The following DRGX variants were observed in gnomAD, a reference collection of about 807,000 sequenced individuals.
DRGX encodes the protein dorsal root ganglia homeobox.
DRGX carries 21 observed loss-of-function variants against 28.6 expected under a neutral mutation model. The ratio of observed to expected loss-of-function variants is 0.73; its 90% CI spans 0.52 to 1.06. The LOEUF (loss-of-function observed/expected upper bound fraction) is 1.06. DRGX is among the 50% of genes least tolerant of loss of function. The pLI is 0.00. For synonymous variants in DRGX, 136 were observed against 139.1 expected (o/e 0.98, Z 0.16); for missense variants, 354 against 343.9 (o/e 1.03, Z -0.23).
intron 6 of DRGX, among the ~76,000 whole-genome samples, chr10:49,378,578 T>A (rs1407832349): frequency 1.3e-5 from 2 of 152,244 alleles, no homozygotes; most frequent in African/African-American, 4.8e-5. Flanking sequence ...TATATCTCAA[T>A]AAAGCTTTAA....
At chr10:49,380,990 A>C (rs2132478089) in intron 6 of DRGX, among the ~76,000 whole-genome samples, 1 of 152,342 alleles carries the variant, frequency 6.6e-6, no homozygotes, top group Non-Finnish European at 1.5e-5. Context: ...ATTATGATCA[A>C]GATCCCCATT....
intron 6 of DRGX, among the ~76,000 whole-genome samples, chr10:49,382,759 G>C (rs946126578): frequency 9.2e-5 from 14 of 152,044 alleles, no homozygotes; most frequent in African/African-American, 3.4e-4. Context: ...TCTCCTCCTC[G>C]CCCCTGGAAT....
In DRGX at chr10:49,371,021, T is replaced by TG. The variant is rs200123609; in HGVS notation, c.527-4641dup. Reference sequence around the variant, plus strand: ...GTCATCACCCTAAAGAGAAAAGCAGTGGGGGGATAGGAACTACAGTGATCT... The same window carrying TG: ...GTCATCACCCTAAAGAGAAAAGCAGTGGGGGGGATAGGAACTACAGTGATCT... On this transcript the variant is annotated intron_variant, in intron 6 of 6. Coordinates refer to ENST00000374139, the MANE Select transcript of DRGX (RefSeq NM_001276451.2). Among the ~76,000 whole-genome samples the TG allele has an allele frequency of 6.4e-3, 970 of 152,210 alleles. 11 individuals are homozygous for TG. The highest frequency in any genetic ancestry group is 0.022 in the African/African-American group (916 of 41,526).
intron 6 of DRGX, among the ~76,000 whole-genome samples, chr10:49,385,272 C>T (rs752120185): frequency 4.6e-5 from 7 of 152,242 alleles, no homozygotes; most frequent in Admixed American, 1.3e-4. Context: ...AGGGGATGCA[C>T]CCAGCTGCCT....
intron 6 of DRGX, among the ~76,000 whole-genome samples, chr10:49,374,882 G>A (rs1468292564): frequency 6.6e-6 from 1 of 152,176 alleles, no homozygotes; most frequent in Non-Finnish European, 1.5e-5. Context: ...GGTAACAAGA[G>A]TTGAACAGAA....
At chr10:49,376,006 T>C (rs186922361) in intron 6 of DRGX, among the ~76,000 whole-genome samples, 1 of 151,544 alleles carries the variant, frequency 6.6e-6, no homozygotes, top group Non-Finnish European at 1.5e-5. Flanking sequence ...TTCTGCAGAG[T>C]GAGTTGCAGG....
intron 6 of DRGX, among the ~76,000 whole-genome samples, chr10:49,370,840 G>A (rs1041060862): frequency 7.2e-5 from 11 of 152,230 alleles, no homozygotes; most frequent in African/African-American, 2.4e-4. Context: ...AATCAATCAT[G>A]TGGTCAATAC....
chr10:49,383,897 A>G (rs1849804065), intron 6 of DRGX, among the ~76,000 whole-genome samples: 1 of 152,264 alleles, frequency 6.6e-6, no homozygotes, highest in African/African-American at 2.4e-5. Context: ...GCACTGTGTT[A>G]TAGCAGCCTG....
chr10:49,389,764 G>A (rs1849880399), intron 4 of DRGX, among the ~76,000 whole-genome samples: 1 of 151,878 alleles, frequency 6.6e-6, no homozygotes, highest in Non-Finnish European at 1.5e-5. Flanking sequence ...GCGGTTCTCT[G>A]CAATTGACCA....
chr10:49,382,468 T>TG (rs1849787316), intron 6 of DRGX, among the ~76,000 whole-genome samples: 1 of 152,156 alleles, frequency 6.6e-6, no homozygotes, highest in Non-Finnish European at 1.5e-5. Context: ...CAGCTACCTC[T>TG]GGGGATGCAG....
At position 49,390,254 on chromosome 10, in the gene DRGX, TGTACTG is replaced by T; in HGVS notation, c.133-26_133-21del. 1 of 1,592,858 alleles carries T rather than the reference TGTACTG, an allele frequency of 6.3e-7. No homozygotes were observed. Among genetic ancestry groups the T allele is most frequent in the Non-Finnish European group, 8.6e-7 (1 of 1,168,426 alleles). On this transcript the variant is annotated intron_variant, in intron 3 of 6. Coordinates refer to ENST00000374139, the MANE Select transcript of DRGX (RefSeq NM_001276451.2). ...TTCCAGCTGGTAAAAGGAAAAAATA[TGTACTG>T]GTGAGAGGCTGTGGCTAGGTGAGGG...
intron 6 of DRGX, among the ~76,000 whole-genome samples, chr10:49,384,068 C>T (rs1849805911): frequency 6.6e-6 from 1 of 152,240 alleles, no homozygotes; most frequent in African/African-American, 2.4e-5. Context: ...CCCAGCCTGC[C>T]TCTGCCCAAC....
chr10:49,378,689 A>C (rs910472374), intron 6 of DRGX, among the ~76,000 whole-genome samples: 8 of 152,226 alleles, frequency 5.3e-5, no homozygotes, highest in African/African-American at 1.9e-4. Flanking sequence ...GAAATTGAAA[A>C]GTATAAGCTT....
intron 4 of DRGX, among the ~76,000 whole-genome samples, chr10:49,389,654 C>A (rs1336573399): frequency 2.0e-5 from 3 of 152,138 alleles, no homozygotes; most frequent in Non-Finnish European, 2.9e-5. Flanking sequence ...TGCACATCTT[C>A]TTTGGATCCA....
At chr10:49,395,652 G>A in intron 1 of DRGX, 131 bp from the exon 2 acceptor site, 2 of 629,836 alleles carry the variant, frequency 3.2e-6, no homozygotes, top group South Asian at 3.8e-5. Flanking sequence ...GGGGACAGGA[G>A]GGAAGGCGGC....
In DRGX at chr10:49,395,580, C is replaced by T. The variant is rs1849959225; in HGVS notation, c.-81-59G>A. ...CCCTCTGCCAGCGCTCCCGCCCAGC[C>T]CTAGGGCGCACCCGGCGCTCCCCTC... is the stretch of plus-strand genomic sequence containing the variant. On this transcript the variant is annotated intron_variant, in intron 1 of 6. Coordinates refer to ENST00000374139, the MANE Select transcript of DRGX (RefSeq NM_001276451.2). The T allele has an allele frequency of 6.8e-6, 7 of 1,028,800 alleles. No homozygotes were observed. In the East Asian group the frequency reaches 1.3e-4, roughly 19 times the overall value. 63.7% of individuals were successfully genotyped at this position (1,028,800 alleles called of 1,614,324 possible). A position where few individuals can be genotyped will look rare whatever the true frequency, so the allele number is the denominator to read the frequency against.
At chr10:49,380,328 C>G (rs1010409102) in intron 6 of DRGX, among the ~76,000 whole-genome samples, 1 of 152,226 alleles carries the variant, frequency 6.6e-6, no homozygotes, top group Non-Finnish European at 1.5e-5. Flanking sequence ...TGTGGCTCTC[C>G]AGCCCCAGCC....
chr10:49,375,729 A>G (rs1447239805), intron 6 of DRGX, among the ~76,000 whole-genome samples: 1 of 152,030 alleles, frequency 6.6e-6, no homozygotes, highest in African/African-American at 2.4e-5. Flanking sequence ...TTCTGCTTGG[A>G]TGTCTCTGCA....
chr10:49,390,502 T>A (rs1231706270), intron 3 of DRGX, among the ~76,000 whole-genome samples: 1 of 152,158 alleles, frequency 6.6e-6, no homozygotes, highest in Non-Finnish European at 1.5e-5. Context: ...GCATTTACAT[T>A]TAAGTATTGT....
Sources: allele counts gnomAD v4.1 joint callset (sites outside exome capture counted in the v4.1 genomes callset), GRCh38; gene constraint gnomAD v4.1.1; transcripts MANE v1.5; gene names NCBI Gene and HGNC (gene_info 2026-07-23, HGNC 2026-07-21).